IWS1: variants seen among roughly 807,000 people sequenced by gnomAD.
IWS1 encodes interacts with SUPT6H, CTD assembly factor 1, also known as protein IWS1 homolog.
Under a neutral mutation model 86.7 loss-of-function variants are expected in IWS1, and 27 were observed. The observed-to-expected ratio is 0.31, with a 90% CI of 0.23 to 0.43. IWS1 has a LOEUF of 0.43. Ranked by LOEUF, IWS1 falls within the 20% of genes least tolerant of loss-of-function variation. The pLI is 1.00. For missense variants in IWS1, 827 were observed against 1,000.8 expected (o/e 0.83, Z 2.34); for synonymous variants, 313 against 335.1 (o/e 0.93, Z 0.72).
rs182578421 is a variant in IWS1, at chr2:127,519,584, A to C, written c.150+4092T>G. On this transcript the variant is annotated intron_variant, in intron 2 of 13. Coordinates refer to ENST00000295321, the MANE Select transcript of IWS1 (RefSeq NM_017969.3). ...AAATACAGATGAGGGGTTTAAAAAAAAAAATACCATTATTGGGAAAATTAT... is the reference window on the plus strand; with the variant it reads ...AAATACAGATGAGGGGTTTAAAAAACAAAATACCATTATTGGGAAAATTAT... Among the ~76,000 whole-genome samples the C allele has an allele frequency of 1.1e-3, 174 of 152,266 alleles. 1 individual carries two copies. The highest frequency in any genetic ancestry group is 3.2e-3 in the Admixed American group (49 of 15,290).
In IWS1 at chr2:127,519,359, G is replaced by GT. The variant is rs11336494; in HGVS notation, c.150+4316dup. On this transcript the variant is annotated intron_variant, in intron 2 of 13. Transcript: ENST00000295321. ...ATACAATTACTTTAAGAAAAAATAA[G>GT]TTTTTTTTTTAATAACTAAAGGAGC... 6.0e-3 allele frequency among the ~76,000 whole-genome samples: 903 copies of GT among 151,690 alleles called. 5 individuals are homozygous for GT. The highest frequency in any genetic ancestry group is 7.7e-3 in the Admixed American group (117 of 15,262).
chr2:127,494,579 T>C (rs1033222113), intron 8 of IWS1: 5 of 186,342 alleles, frequency 2.7e-5, no homozygotes, highest in Admixed American at 1.8e-4. Context: ...CTGGGCAACA[T>C]AGCAAGATCC....
At chr2:127,525,346 C>T (rs943059529) in intron 1 of IWS1, among the ~76,000 whole-genome samples, 3 of 152,208 alleles carry the variant, frequency 2.0e-5, no homozygotes, top group Non-Finnish European at 4.4e-5. Context: ...AAGCAATGAA[C>T]TCAAAACAGT....
At chr2:127,483,642 GT>G in intron 13 of IWS1, among the ~76,000 whole-genome samples, 2 of 133,846 alleles carry the variant, frequency 1.5e-5, no homozygotes, top group Non-Finnish European at 3.3e-5. Flanking sequence ...GTGTGTGTGT[GT>G]GTGTGTTTTC....
chr2:127,500,841 TC>T (rs979644086), intron 5 of IWS1, among the ~76,000 whole-genome samples: 2 of 152,074 alleles, frequency 1.3e-5, no homozygotes, highest in East Asian at 1.9e-4. Flanking sequence ...TGTTCCACTT[TC>T]CCCCCCTATT....
At position 127,505,014 on chromosome 2, in the gene IWS1, G is replaced by A. The variant is rs1691044351; in HGVS notation, c.889C>T (p.Pro297Ser). 1.2e-6 allele frequency: 2 copies of A among 1,613,392 alleles called. No homozygotes were observed. The highest frequency in any genetic ancestry group is 1.1e-5 in the South Asian group (1 of 90,954). Residue 297 changes from proline (P) to serine (S), a missense_variant, in exon 3 of 14, where the codon CCC becomes TCC. By Grantham distance (74) the Pro-to-Ser change is moderately conservative. Coordinates refer to ENST00000295321, the MANE Select transcript of IWS1 (RefSeq NM_017969.3). The surrounding 1 kb of genome is among the most constrained non-coding windows in gnomAD (Gnocchi z 5.0). ...TCACTCTCAGAGTCACTGACTCGGG[G>A]TTTGGGTAGCTCCTCATTTTCCGAA... ...SDSENEELPK[P>S]RVSDSESEGP...
At chr2:127,486,502 A>T (rs1281801498) in intron 13 of IWS1, 51 bp downstream of exon 13, 9 of 1,266,798 alleles carry the variant, frequency 7.1e-6, no homozygotes, top group Admixed American at 3.4e-5. Flanking sequence ...GTAAAGAGTC[A>T]AACAGTAATC....
chr2:127,506,407 A>G (rs1414081345), intron 2 of IWS1, among the ~76,000 whole-genome samples: 1 of 152,152 alleles, frequency 6.6e-6, no homozygotes, highest in Non-Finnish European at 1.5e-5. Context: ...TCTATTTTTC[A>G]AAGAAATACA....
intron 2 of IWS1, among the ~76,000 whole-genome samples, chr2:127,523,210 A>C (rs1692200242): frequency 1.4e-5 from 2 of 146,832 alleles, no homozygotes; most frequent in African/African-American, 5.2e-5. Flanking sequence ...ACCCTGTCTC[A>C]AAAAAAAAAG....
At chr2:127,493,126 C>T (rs189297901) in intron 9 of IWS1, 155 bp downstream of exon 9, 433 of 584,532 alleles carry the variant, frequency 7.4e-4, no homozygotes, top group Non-Finnish European at 1.1e-3. Flanking sequence ...TTCCCTTTCA[C>T]GCTCATTTTA....
At chr2:127,526,618 C>T (rs929310295), upstream of IWS1, 2 of 1,346,538 alleles carry the variant, frequency 1.5e-6, no homozygotes, top group African/African-American at 1.5e-5. Flanking sequence ...AGCTGGAACT[C>T]GGGCTTTAGT....
At chr2:127,494,838 GAA>G (rs1413226743) in intron 8 of IWS1, 32 bp downstream of exon 8, 1 of 1,243,080 alleles carries the variant, frequency 8.0e-7, no homozygotes, top group East Asian at 2.4e-5. Flanking sequence ...CCATGAAAAG[GAA>G]AAAGACATTT....
intron 2 of IWS1, among the ~76,000 whole-genome samples, chr2:127,516,503 G>GT (rs1389868168): frequency 1.3e-5 from 2 of 152,192 alleles, no homozygotes; most frequent in Non-Finnish European, 2.9e-5. Flanking sequence ...GCTCACACGT[G>GT]TAATCCCAGT....
At chr2:127,495,410 GAAT>G (rs1294527255) in intron 7 of IWS1, among the ~76,000 whole-genome samples, 2 of 151,976 alleles carry the variant, frequency 1.3e-5, no homozygotes, top group African/African-American at 2.4e-5. Flanking sequence ...TACAAATATA[GAAT>G]AATATACCTG....
intron 2 of IWS1, among the ~76,000 whole-genome samples, chr2:127,520,400 C>T (rs1692030655): frequency 6.6e-6 from 1 of 152,172 alleles, no homozygotes; most frequent in South Asian, 2.1e-4. Context: ...ATCTCTTGAC[C>T]TCATGATCCA....
In IWS1 at chr2:127,526,344, G is replaced by C; in HGVS notation, c.-136C>G. The C allele has an allele frequency of 6.5e-7, 1 of 1,538,072 alleles. No homozygotes were observed. Among genetic ancestry groups the C allele is most frequent in the South Asian group, 1.2e-5 (1 of 83,754 alleles). On this transcript the variant is annotated 5_prime_UTR_variant, in exon 1 of 14. Transcript: ENST00000295321. Reference sequence around the variant, plus strand: ...GACCGGAGAACTTAACGGGTGCGGAGGGTAAGAAAGCGGTAGCGGCAAAGG... The same window carrying C: ...GACCGGAGAACTTAACGGGTGCGGACGGTAAGAAAGCGGTAGCGGCAAAGG...
At chr2:127,519,389 T>C (rs1213580825) in intron 2 of IWS1, among the ~76,000 whole-genome samples, 1 of 152,132 alleles carries the variant, frequency 6.6e-6, no homozygotes, top group East Asian at 1.9e-4. Context: ...AGGAGCTTTC[T>C]AATAAAGTGG....
intron 13 of IWS1, among the ~76,000 whole-genome samples, chr2:127,484,923 G>A (rs1432083450): frequency 6.6e-6 from 1 of 152,136 alleles, no homozygotes; most frequent in Non-Finnish European, 1.5e-5. Context: ...TGTGAACCCA[G>A]GAGGCGGAAC....
At chr2:127,509,523 A>G (rs958820555) in intron 2 of IWS1, among the ~76,000 whole-genome samples, 2 of 152,010 alleles carry the variant, frequency 1.3e-5, no homozygotes, top group Admixed American at 6.6e-5. Context: ...CCTGCCTAAC[A>G]TGGTGAAACC....
Sources: allele counts gnomAD v4.1 joint callset (sites outside exome capture counted in the v4.1 genomes callset), GRCh38; gene constraint gnomAD v4.1.1; non-coding constraint Gnocchi (gnomAD v3.1); transcripts MANE v1.5; gene names NCBI Gene and HGNC (gene_info 2026-07-23, HGNC 2026-07-21).